The following PSD3 variants were observed in gnomAD, a reference collection of about 807,000 sequenced individuals.
PSD3 encodes PH and SEC7 domain-containing protein 3.
PSD3 carries 49 observed loss-of-function variants against 105.5 expected under a neutral mutation model. The ratio of observed to expected loss-of-function variants is 0.46; its 90% confidence interval spans 0.37 to 0.59. The LOEUF (loss-of-function observed/expected upper bound fraction) is 0.59. Ranked by LOEUF, PSD3 falls within the 20% of genes least tolerant of loss-of-function variation. The pLI is 0.00. For missense variants in PSD3, 1,561 were observed against 1,263.8 expected (o/e 1.24, Z -3.57); for synonymous variants, 557 against 457.8 (o/e 1.22, Z -2.77).
At chr8:18,946,451 T>C (rs1376144215) in intron 1 of PSD3, among the ~76,000 whole-genome samples, 1 of 152,106 alleles carries the variant, frequency 6.6e-6, no homozygotes, top group Non-Finnish European at 1.5e-5. Flanking sequence ...CAGAGTGTCA[T>C]GCACCCATAG....
intron 8 of PSD3, chr8:18,799,089 C>T: frequency 1.9e-6 from 1 of 520,862 alleles, no homozygotes. Context: ...CTCCAGACAC[C>T]AGGACGATGG....
chr8:18,929,847 A>G (rs973382724), intron 2 of PSD3, among the ~76,000 whole-genome samples: 4 of 152,204 alleles, frequency 2.6e-5, no homozygotes, highest in African/African-American at 9.7e-5. Flanking sequence ...GTTTATTTAG[A>G]GAGATTCAAA....
At chr8:18,717,180 TCAAA>T (rs1157034502) in intron 9 of PSD3, among the ~76,000 whole-genome samples, 6 of 152,118 alleles carry the variant, frequency 3.9e-5, no homozygotes, top group Admixed American at 3.3e-4. Context: ...CATTTCAAAC[TCAAA>T]CAAGAGAATG....
intron 1 of PSD3, among the ~76,000 whole-genome samples, chr8:19,077,799 CA>C (rs1393465161): frequency 6.6e-6 from 1 of 152,116 alleles, no homozygotes; most frequent in Non-Finnish European, 1.5e-5. Flanking sequence ...CATGCTAAGT[CA>C]TAAGGTACAG....
chr8:18,801,510 T>A, intron 6 of PSD3, 128 bp from the exon 7 acceptor site: 1 of 556,310 alleles, frequency 1.8e-6, no homozygotes, highest in Admixed American at 3.6e-5. Context: ...TGAAGTTATC[T>A]CCCCCCAAAA....
Position 18,647,466 on chromosome 8 carries a change from G to A in PSD3, c.2216+8176C>T, listed in dbSNP as rs80278216. ...GAAATTGCAGGAAAGATTATTCCAC[G>A]ATGCAAAGTTGTAAAATGCTTATCC... On this transcript the variant is annotated intron_variant, in intron 10 of 15. Coordinates refer to ENST00000327040, the MANE Select transcript of PSD3 (RefSeq NM_015310.4). 1.5e-4 allele frequency among the ~76,000 whole-genome samples: 23 copies of A among 152,292 alleles called. No individual in the cohort carries two copies. The East Asian group carries it at 1.9e-3, about 13-fold the overall frequency.
At chr8:18,738,901 AT>A (rs33916460) in intron 9 of PSD3, among the ~76,000 whole-genome samples, 150,557 of 151,986 alleles carry the variant, frequency 0.99, 74,588 homozygotes, top group Non-Finnish European at 1. Context: ...AATTCTAGTC[AT>A]TTTTTTTGTT....
intron 4 of PSD3, among the ~76,000 whole-genome samples, chr8:18,845,485 G>C (rs1303722791): frequency 6.6e-6 from 1 of 152,198 alleles, no homozygotes; most frequent in South Asian, 2.1e-4. Context: ...TCGGAAGACA[G>C]GTGCGTCCAC....
At position 18,795,312 on chromosome 8, in the gene PSD3, G is replaced by C. The variant is rs115994851; in HGVS notation, c.2082+3983C>G. On this transcript the variant is annotated intron_variant, in intron 8 of 15. Coordinates refer to ENST00000327040, the MANE Select transcript of PSD3 (RefSeq NM_015310.4). ...TATGTCAAGGGTAAAGTATATGTAG[G>C]AGGCCCAGCCCGAGAAAGAGAGCTA... is the stretch of plus-strand genomic sequence containing the variant. Among the ~76,000 whole-genome samples, 732 of 152,226 alleles carry C rather than the reference G, an allele frequency of 4.8e-3. 8 individuals carry two copies. Among genetic ancestry groups the C allele is most frequent in the African/African-American group, 0.017 (709 of 41,534 alleles).
chr8:18,884,215 TC>T (rs1460414990), intron 2 of PSD3, among the ~76,000 whole-genome samples: 4 of 151,650 alleles, frequency 2.6e-5, no homozygotes, highest in Non-Finnish European at 5.9e-5. Context: ...AAAAAAAAAA[TC>T]TCAAATGCAT....
chr8:18,642,250 G>C (rs10109054), intron 10 of PSD3, among the ~76,000 whole-genome samples: 1 of 152,036 alleles, frequency 6.6e-6, no homozygotes, highest in Admixed American at 6.6e-5. Context: ...ATTCCCAAAA[G>C]ATCTATTGGA....
At chr8:18,659,011 G>A (rs1242815536) in intron 9 of PSD3, among the ~76,000 whole-genome samples, 1 of 152,120 alleles carries the variant, frequency 6.6e-6, no homozygotes, top group Admixed American at 6.5e-5. Context: ...CAGTATGAAA[G>A]TTCCCAGTAG....
At position 18,831,527 on chromosome 8, in the gene PSD3, GC is replaced by G. The variant is rs201642108; in HGVS notation, c.1635-26630del. ...ACCCGAGGTCCGGAGTTTGAGAGCA[GC>G]CTGGCCAACATGGTGAAACCCAGTC... On this transcript the variant is annotated intron_variant, in intron 4 of 15. Coordinates refer to ENST00000327040, the MANE Select transcript of PSD3 (RefSeq NM_015310.4). Among the ~76,000 whole-genome samples, 37 of 152,284 alleles carry G rather than the reference GC, an allele frequency of 2.4e-4. 2 individuals carry two copies. In the East Asian group the frequency reaches 6.8e-3, roughly 28 times the overall value.
At chr8:18,657,056 G>A (rs1045693134) in intron 9 of PSD3, among the ~76,000 whole-genome samples, 1 of 152,108 alleles carries the variant, frequency 6.6e-6, no homozygotes, top group Non-Finnish European at 1.5e-5. Context: ...GAACTTGAAG[G>A]CTTAGCCAAG....
intron 10 of PSD3, among the ~76,000 whole-genome samples, chr8:18,648,266 T>C (rs909003444): frequency 2.0e-5 from 3 of 152,198 alleles, no homozygotes; most frequent in African/African-American, 4.8e-5. Flanking sequence ...TAAATTGTTG[T>C]GACCAAAATG....
intron 3 of PSD3, among the ~76,000 whole-genome samples, chr8:18,870,762 C>A (rs180873689): frequency 1.3e-5 from 2 of 151,988 alleles, no homozygotes; most frequent in African/African-American, 2.4e-5. Flanking sequence ...CAGGGAACAA[C>A]TGAATTATAA....
chr8:18,696,259 G>A (rs534016598), intron 9 of PSD3, among the ~76,000 whole-genome samples: 7 of 152,218 alleles, frequency 4.6e-5, no homozygotes, highest in East Asian at 3.9e-4. Context: ...ACCTCCATAC[G>A]ACTCAGTCTG....
intron 11 of PSD3, among the ~76,000 whole-genome samples, chr8:18,616,623 C>CTTTTTTTTTTTTTT (rs1215460486): frequency 1.0e-5 from 1 of 98,508 alleles, no homozygotes. Flanking sequence ...CCTCTCTTTT[C>CTTTTTTTTTTTTTT]TTTTCTTTTT....
intron 1 of PSD3, among the ~76,000 whole-genome samples, chr8:19,080,504 A>C (rs1829609270): frequency 6.6e-6 from 1 of 152,210 alleles, no homozygotes; most frequent in Admixed American, 6.5e-5. Flanking sequence ...TATTTTTCCT[A>C]GTCTGCTAGA....
Sources: allele counts gnomAD v4.1 joint callset (sites outside exome capture counted in the v4.1 genomes callset), GRCh38; gene constraint gnomAD v4.1.1; transcripts MANE v1.5; gene names NCBI Gene and HGNC (gene_info 2026-07-23, HGNC 2026-07-21).